The following AGA variants were observed in gnomAD, a reference collection of about 807,000 sequenced individuals.
AGA encodes N(4)-(beta-N-acetylglucosaminyl)-L-asparaginase.
In AGA, 31 loss-of-function variants were observed where a neutral mutation model predicts 40.1. That is an observed-to-expected ratio of 0.77 (90% confidence interval 0.58 to 1.04). The LOEUF (loss-of-function observed/expected upper bound fraction) is 1.04, where lower values mean the gene tolerates loss of function less well. Ranked by LOEUF, AGA falls within the 50% of genes least tolerant of loss-of-function variation. The probability of loss-of-function intolerance (pLI) is 0.00; values close to 1 mark genes in which losing one functional copy is unlikely to be tolerated. For synonymous variants in AGA, 148 were observed against 144.0 expected (o/e 1.03, Z -0.20); for missense variants, 445 against 435.4 (o/e 1.02, Z -0.20).
chr4:177,442,023 G>A lies in AGA; in HGVS notation c.127+226C>T, dbSNP rs1050604760. ...TGCGCTGGGGGCTGCATGAAGGGAGGACCTAAAATGCAACAGCGGTAGGTG... is the reference window on the plus strand; with the variant it reads ...TGCGCTGGGGGCTGCATGAAGGGAGAACCTAAAATGCAACAGCGGTAGGTG... On this transcript the variant is annotated intron_variant, in intron 1 of 8. Coordinates refer to ENST00000264595, the MANE Select transcript of AGA (RefSeq NM_000027.4). 1.4e-4 allele frequency among the ~76,000 whole-genome samples: 22 copies of A among 152,338 alleles called. No homozygotes were observed. In the East Asian group the frequency reaches 4.2e-3, roughly 29 times the overall value.
At chr4:177,437,986 T>C (rs969499254) in intron 4 of AGA, among the ~76,000 whole-genome samples, 3 of 152,242 alleles carry the variant, frequency 2.0e-5, no homozygotes, top group African/African-American at 4.8e-5. Flanking sequence ...ATATTCTAAG[T>C]TGTGCTTTAA....
intron 7 of AGA, among the ~76,000 whole-genome samples, chr4:177,434,055 G>A (rs183402209): frequency 1.4e-3 from 215 of 152,152 alleles, no homozygotes; most frequent in African/African-American, 4.9e-3. Flanking sequence ...GTGCAGTGGC[G>A]CGATCTTGGT....
rs763018918 is a variant in AGA at position 177,433,300 on chromosome 4, G to C, written c.854C>G (p.Ala285Gly). The change falls in exon 8 of 9, where the codon GCT (alanine) becomes GGT (glycine). Residue 285 changes from alanine to glycine, a missense_variant. Physicochemically the swap from Ala to Gly is moderately conservative, Grantham distance 60. Transcript: ENST00000264595. ...GATTCTTGAAATCACTTTTTGGCAA[G>C]CTATGGTTGGATCTTCTCCTCTTCT... The part of the protein sequence containing the change: ...YMRRGEDPTI[A>G]CQKVISRIQK... 1 of 1,614,044 alleles carries C rather than the reference G, an allele frequency of 6.2e-7. No homozygotes were observed. The highest frequency in any genetic ancestry group is 8.5e-7 in the Non-Finnish European group (1 of 1,179,980).
At chr4:177,433,955 C>T (rs1479586871) in intron 7 of AGA, among the ~76,000 whole-genome samples, 2 of 151,872 alleles carry the variant, frequency 1.3e-5, no homozygotes, top group Non-Finnish European at 2.9e-5. Flanking sequence ...AGCTCTTGTG[C>T]ACAGAAATTC....
In AGA at chr4:177,434,110, C is replaced by T. The variant is rs531929594; in HGVS notation, c.806+272G>A. 3.0e-4 allele frequency among the ~76,000 whole-genome samples: 46 copies of T among 152,252 alleles called. 3 individuals carry two copies. Among genetic ancestry groups the T allele is most frequent in the Admixed American group, 2.7e-3 (41 of 15,288 alleles). Reference sequence around the variant, plus strand: ...CCAGGTTCAAGCGATTCTCCTACCACAGCCTCCCGAGTAGCTGGGACTATA... The same window carrying T: ...CCAGGTTCAAGCGATTCTCCTACCATAGCCTCCCGAGTAGCTGGGACTATA... On this transcript the variant is annotated intron_variant, in intron 7 of 8. Transcript: ENST00000264595.
At chr4:177,438,334 T>C (rs960833703) in intron 4 of AGA, among the ~76,000 whole-genome samples, 1 of 152,148 alleles carries the variant, frequency 6.6e-6, no homozygotes, top group African/African-American at 2.4e-5. Context: ...GGTAACATAC[T>C]AGACATGTAA....
Position 177,436,256 on chromosome 4 carries a change from G to A in AGA, c.698+20C>T, listed in dbSNP as rs753356588. ...CATTCAGTGTATATTTGAGAGCTCT[G>A]TTCTTTTGGAAACACTAACCCATGT... On this transcript the variant is annotated intron_variant, in intron 6 of 8. Transcript: ENST00000264595. 1.9e-5 allele frequency: 30 copies of A among 1,592,388 alleles called. No individual in the cohort carries two copies. In the African/African-American group the frequency reaches 3.8e-4, roughly 20 times the overall value.
At chr4:177,434,575 C>CA in intron 6 of AGA, 86 bp from the exon 7 acceptor site, 1 of 1,078,268 alleles carries the variant, frequency 9.3e-7, no homozygotes, top group South Asian at 1.3e-5. Flanking sequence ...GGGATAGTTC[C>CA]ACTTAGCCTC....
chr4:177,435,763 C>A (rs1237612882), intron 6 of AGA, among the ~76,000 whole-genome samples: 5 of 150,074 alleles, frequency 3.3e-5, no homozygotes, highest in Non-Finnish European at 5.9e-5. Context: ...ACACACACAC[C>A]CACACCAGTG....
At chr4:177,440,455 T>A in intron 1 of AGA, 29 bp from the exon 2 acceptor site, 1 of 1,601,462 alleles carries the variant, frequency 6.2e-7, no homozygotes, top group Non-Finnish European at 8.5e-7. Context: ...TAATGCTTGT[T>A]TATATATATA....
At chr4:177,434,311 T>G in intron 7 of AGA, 71 bp downstream of exon 7, 1 of 1,451,502 alleles carries the variant, frequency 6.9e-7, no homozygotes, top group South Asian at 1.1e-5. Flanking sequence ...CCTCAAAAAT[T>G]ATTTTCTATC....
At chr4:177,433,144 A>G (rs1442722338) in intron 8 of AGA, 70 bp downstream of exon 8, 2 of 1,598,902 alleles carry the variant, frequency 1.3e-6, no homozygotes, top group African/African-American at 1.3e-5. Context: ...GTACAAAACA[A>G]TATTTAAAAA....
At chr4:177,438,910 C>A (rs567125055) in intron 3 of AGA, 53 bp from the exon 4 acceptor site, 1 of 1,099,216 alleles carries the variant, frequency 9.1e-7, no homozygotes, top group African/African-American at 1.5e-5. Flanking sequence ...GTCTTTTCAA[C>A]AAAAATATAT....
At chr4:177,437,949 T>C (rs1476444107) in intron 4 of AGA, among the ~76,000 whole-genome samples, 1 of 152,230 alleles carries the variant, frequency 6.6e-6, no homozygotes, top group Non-Finnish European at 1.5e-5. Context: ...GCTTTTATTG[T>C]TTCTTCAAAG....
rs774330624 is a variant in AGA at position 177,430,882 on chromosome 4, A to T, written c.*826T>A. 1 of 454,128 alleles carries T rather than the reference A, an allele frequency of 2.2e-6. No individual in the cohort carries two copies. The highest frequency in any genetic ancestry group is 1.6e-5 in the South Asian group (1 of 64,474). The allele number at this position is 454,128 out of a possible 1,614,324, so 28.1% of individuals were successfully genotyped here. A position where few individuals can be genotyped will look rare whatever the true frequency, so the allele number is the denominator to read the frequency against. The stretch of plus-strand genomic sequence containing the variant: ...CGCACAACTTCTGTAGAGTTGTCAT[A>T]CAGAGAGTTAATCAGAAGTTAGGGA... On this transcript the variant is annotated 3_prime_UTR_variant, in exon 9 of 9. Transcript: ENST00000264595.
chr4:177,435,347 AT>A (rs780141991), intron 6 of AGA, among the ~76,000 whole-genome samples: 2 of 152,362 alleles, frequency 1.3e-5, no homozygotes, highest in East Asian at 3.9e-4. Context: ...ACAAATACAC[AT>A]AATTTTCATT....
At position 177,436,347 on chromosome 4, in the gene AGA, C is replaced by G; in HGVS notation, c.627G>C (p.Met209Ile). 1.2e-6 allele frequency: 2 copies of G among 1,612,654 alleles called. No individual in the cohort carries two copies. Among genetic ancestry groups the G allele is most frequent in the Non-Finnish European group, 1.7e-6 (2 of 1,179,324 alleles). The change falls in exon 6 of 9, where the codon ATG (methionine) becomes ATC (isoleucine). Residue 209 changes from methionine (M) to isoleucine (I), a missense_variant. Transcript: ENST00000264595. Reference sequence around the variant, plus strand: ...TATGTCCTGTCTTATGGATTACAACCATGCCTAGAAGTTAAAAAAAAAAAA... The same window carrying G: ...TATGTCCTGTCTTATGGATTACAACGATGCCTAGAAGTTAAAAAAAAAAAA... ...EDDRGHDTIG[M>I]VVIHKTGHIA...
chr4:177,439,733 G>C (rs1288696690), intron 2 of AGA, 45 bp from the exon 3 acceptor site: 1 of 1,380,246 alleles, frequency 7.2e-7, no homozygotes, highest in Non-Finnish European at 1.0e-6. Flanking sequence ...AGTTTTCAGA[G>C]GTTCATAGAT....
In AGA at chr4:177,433,280, T is replaced by C. The variant is rs764956911; in HGVS notation, c.874A>G (p.Arg292Gly). ...AATTCTGGAAAATGCTTCTGGATTC[T>C]TGAAATCACTTTTTGGCAAGCTATG... ...PTIACQKVIS[R>G]IQKHFPEFFG... The change falls in exon 8 of 9, where the codon AGA becomes GGA. Residue 292 changes from arginine to glycine, a missense_variant. Arg to Gly is a moderately radical substitution (Grantham distance 125). Coordinates refer to ENST00000264595, the MANE Select transcript of AGA (RefSeq NM_000027.4). 22 of 1,614,020 alleles carry C rather than the reference T, an allele frequency of 1.4e-5. No homozygotes were observed. The highest frequency in any genetic ancestry group is 1.9e-5 in the Non-Finnish European group (22 of 1,180,008).
Sources: gnomAD v4.1 joint callset for allele counts (sites outside exome capture counted in the v4.1 genomes callset) on GRCh38, gnomAD v4.1.1 for gene constraint, MANE v1.5 for transcripts, NCBI Gene and HGNC (gene_info 2026-07-23, HGNC 2026-07-21) for gene names.